The following HS6ST3 variants were observed in gnomAD, a reference collection of about 807,000 sequenced individuals.
The protein encoded by HS6ST3 is heparan-sulfate 6-O-sulfotransferase 3.
HS6ST3 carries 12 observed loss-of-function variants against 36.7 expected under a neutral mutation model. The ratio of observed to expected loss-of-function variants is 0.33; its 90% CI spans 0.21 to 0.53. The LOEUF (loss-of-function observed/expected upper bound fraction) is 0.53. HS6ST3 is among the 20% of genes least tolerant of loss of function. The probability of loss-of-function intolerance (pLI) is 0.95; values close to 1 mark genes in which losing one functional copy is unlikely to be tolerated. For synonymous variants in HS6ST3, 240 were observed against 257.5 expected, an observed-to-expected ratio of 0.93 and a Z score of 0.65; for missense variants, 584 against 640.9, an observed-to-expected ratio of 0.91 and a Z score of 0.96.
chr13:96,161,707 A>G (rs574331834), intron 1 of HS6ST3, among the ~76,000 whole-genome samples: 1 of 152,320 alleles, frequency 6.6e-6, no homozygotes, highest in South Asian at 2.1e-4. Context: ...TTTAAAAGGA[A>G]TGATTATAAA....
Position 96,239,667 on chromosome 13 carries a change from A to G in HS6ST3, c.707+148098A>G, listed in dbSNP as rs1160279299. Among the ~76,000 whole-genome samples the G allele has an allele frequency of 4.6e-5, 7 of 152,388 alleles. No homozygotes were observed. In the South Asian group the frequency reaches 1.4e-3, roughly 32 times the overall value. On this transcript the variant is annotated intron_variant, in intron 1 of 1. Transcript: ENST00000376705. The stretch of plus-strand genomic sequence containing the variant: ...GAGCATGCAGATAAAAATAATGAAT[A>G]TTATCACACAAAGAGTTTATATATA...
chr13:96,260,983 C>T (rs912433336), intron 1 of HS6ST3, among the ~76,000 whole-genome samples: 2 of 152,048 alleles, frequency 1.3e-5, no homozygotes, highest in Non-Finnish European at 2.9e-5. Flanking sequence ...AACGTTAACC[C>T]CCTTTATAAT....
chr13:96,698,033 T>TTTTA (rs201654616), intron 1 of HS6ST3, among the ~76,000 whole-genome samples: 2,257 of 152,154 alleles, frequency 0.015, 55 homozygotes, highest in African/African-American at 0.051. Flanking sequence ...ATACTTTTAT[T>TTTTA]TTTATTTATT....
intron 1 of HS6ST3, among the ~76,000 whole-genome samples, chr13:96,093,806 T>C (rs1042377309): frequency 6.6e-6 from 1 of 152,166 alleles, no homozygotes; most frequent in African/African-American, 2.4e-5. Flanking sequence ...ATTGAATTAG[T>C]TGTCTGTCAT....
rs182468299 is a variant in HS6ST3, at chr13:96,152,879, C to G, written c.707+61310C>G. Among the ~76,000 whole-genome samples the G allele has an allele frequency of 6.6e-5, 10 of 152,272 alleles. No individual in the cohort carries two copies. The East Asian group carries it at 1.9e-3, about 29-fold the overall frequency. On this transcript the variant is annotated intron_variant, in intron 1 of 1. Transcript: ENST00000376705. The stretch of plus-strand genomic sequence containing the variant: ...AATTCTCATACACAAATTCTGTGCT[C>G]TAATCTAGCCTGACTGCTTGTGATT...
intron 1 of HS6ST3, among the ~76,000 whole-genome samples, chr13:96,362,618 A>T (rs1283057950): frequency 6.6e-6 from 1 of 152,198 alleles, no homozygotes; most frequent in African/African-American, 2.4e-5. Context: ...TTGGTGAGTC[A>T]CACCCAATTA....
rs145317156 is a variant in HS6ST3, at chr13:96,407,168, G to C, written c.707+315599G>C. ...TGATCTGTTAATGTTGAAACTTAAA[G>C]TATTCTTTGCGAAATTTTAAGTTCA... is the stretch of plus-strand genomic sequence containing the variant. On this transcript the variant is annotated intron_variant, in intron 1 of 1. Coordinates refer to ENST00000376705, the MANE Select transcript of HS6ST3 (RefSeq NM_153456.4). Among the ~76,000 whole-genome samples the C allele has an allele frequency of 1.2e-3, 190 of 152,292 alleles. 1 individual carries two copies. The highest frequency in any genetic ancestry group is 4.4e-3 in the African/African-American group (184 of 41,568).
chr13:96,277,774 A>C (rs1594740931), intron 1 of HS6ST3, among the ~76,000 whole-genome samples: 1 of 152,334 alleles, frequency 6.6e-6, no homozygotes, highest in African/African-American at 2.4e-5. Flanking sequence ...GAAAATAGTT[A>C]TATTTGGGTG....
intron 1 of HS6ST3, among the ~76,000 whole-genome samples, chr13:96,607,259 T>C (rs2138986075): frequency 6.6e-6 from 1 of 152,202 alleles, no homozygotes; most frequent in Non-Finnish European, 1.5e-5. Flanking sequence ...ACCACATCTT[T>C]CAGCATCAAT....
At chr13:96,636,921 T>A (rs1184699247) in intron 1 of HS6ST3, among the ~76,000 whole-genome samples, 2 of 152,040 alleles carry the variant, frequency 1.3e-5, no homozygotes, top group African/African-American at 2.4e-5. Flanking sequence ...AATTTAAATA[T>A]CATGCATGTA....
chr13:96,645,038 A>G (rs566308616), intron 1 of HS6ST3, among the ~76,000 whole-genome samples: 16 of 152,124 alleles, frequency 1.1e-4, no homozygotes, highest in African/African-American at 3.1e-4. Flanking sequence ...GATATGCGCC[A>G]TGAAGAGATT....
chr13:96,379,519 A>G (rs1463603632), intron 1 of HS6ST3, among the ~76,000 whole-genome samples: 1 of 152,208 alleles, frequency 6.6e-6, no homozygotes, highest in African/African-American at 2.4e-5. Flanking sequence ...ATAAATTTCT[A>G]TTGTTTATAA....
At chr13:96,634,522 T>C (rs2056542484) in intron 1 of HS6ST3, among the ~76,000 whole-genome samples, 2 of 152,194 alleles carry the variant, frequency 1.3e-5, no homozygotes, top group Non-Finnish European at 2.9e-5. Context: ...TTCATTTATA[T>C]ATTTAGCAAA....
At chr13:96,813,240 A>G (rs995550261) in intron 1 of HS6ST3, among the ~76,000 whole-genome samples, 2 of 152,214 alleles carry the variant, frequency 1.3e-5, no homozygotes, top group African/African-American at 4.8e-5. Context: ...AATGTTAAAA[A>G]CACAGAAAAA....
At chr13:96,269,382 G>A (rs1264791585) in intron 1 of HS6ST3, among the ~76,000 whole-genome samples, 1 of 151,974 alleles carries the variant, frequency 6.6e-6, no homozygotes, top group Admixed American at 6.6e-5. Flanking sequence ...AATTATGTGA[G>A]TTTTGAAAAA....
intron 1 of HS6ST3, among the ~76,000 whole-genome samples, chr13:96,349,188 A>AT (rs2055169824): frequency 6.6e-6 from 1 of 152,184 alleles, no homozygotes; most frequent in Non-Finnish European, 1.5e-5. Flanking sequence ...TTCAGTTAAC[A>AT]TTTTTGGATT....
At chr13:96,417,625 C>CAT (rs2055540496) in intron 1 of HS6ST3, among the ~76,000 whole-genome samples, 1 of 75,426 alleles carries the variant, frequency 1.3e-5, no homozygotes, top group Admixed American at 1.3e-4. Flanking sequence ...TGTGTGTGTA[C>CAT]ATATATATAC....
intron 1 of HS6ST3, among the ~76,000 whole-genome samples, chr13:96,701,941 G>A (rs1242690050): frequency 1.3e-5 from 2 of 152,114 alleles, no homozygotes. Flanking sequence ...CAGCCTAGAT[G>A]ACAGAGTGAG....
intron 1 of HS6ST3, among the ~76,000 whole-genome samples, chr13:96,722,899 C>T (rs1875884843): frequency 6.6e-6 from 1 of 151,988 alleles, no homozygotes; most frequent in Admixed American, 6.6e-5. Context: ...ATTGCTTGAG[C>T]CCGAGAGGTT....
Sources: gnomAD v4.1 joint callset for allele counts (sites outside exome capture counted in the v4.1 genomes callset) on GRCh38, gnomAD v4.1.1 for gene constraint, MANE v1.5 for transcripts, NCBI Gene and HGNC (gene_info 2026-07-23, HGNC 2026-07-21) for gene names.